Variants in DNAJB6 observed in about 807,000 individuals in gnomAD.
The protein encoded by DNAJB6 is dnaJ homolog subfamily B member 6.
A neutral mutation model predicts 42.7 loss-of-function variants in DNAJB6; 16 were observed. That is an observed-to-expected ratio of 0.37 (90% confidence interval 0.25 to 0.57). DNAJB6 has a LOEUF of 0.57. Ranked by LOEUF, DNAJB6 falls within the 20% of genes least tolerant of loss-of-function variation. DNAJB6 has a pLI of 0.74. For synonymous variants in DNAJB6, 170 were observed against 163.5 expected (o/e 1.04, Z -0.30); for missense variants, 347 against 416.8 (o/e 0.83, Z 1.46).
intron 8 of DNAJB6, among the ~76,000 whole-genome samples, chr7:157,403,745 G>A (rs139326347): frequency 3.2e-4 from 48 of 152,222 alleles, no homozygotes; most frequent in Non-Finnish European, 4.0e-4. Context: ...ATTCATTGTC[G>A]TTTCACAATA....
chr7:157,402,778 C>T (rs1795582689), intron 8 of DNAJB6, among the ~76,000 whole-genome samples: 1 of 152,206 alleles, frequency 6.6e-6, no homozygotes, highest in African/African-American at 2.4e-5. Flanking sequence ...CACTCTTTGG[C>T]CCCTGCACTT....
chr7:157,383,239 G>C (rs13229507), intron 6 of DNAJB6, among the ~76,000 whole-genome samples: 1 of 151,884 alleles, frequency 6.6e-6, no homozygotes, highest in Admixed American at 6.6e-5. Flanking sequence ...AACTGACCTC[G>C]GGTGGATCCA....
intron 1 of DNAJB6, chr7:157,340,114 AATT>A (rs1250941152): frequency 6.6e-6 from 1 of 152,216 alleles, no homozygotes; most frequent in African/African-American, 2.4e-5. Flanking sequence ...AAGAGAATGT[AATT>A]AGCCTTTGTA....
chr7:157,392,634 G>A (rs1028352100), intron 8 of DNAJB6, among the ~76,000 whole-genome samples: 5 of 152,140 alleles, frequency 3.3e-5, no homozygotes, highest in East Asian at 1.9e-4. Flanking sequence ...GTGTGCATCC[G>A]GAAGCGCAGC....
chr7:157,397,953 A>G (rs946039234), intron 8 of DNAJB6, among the ~76,000 whole-genome samples: 1 of 152,262 alleles, frequency 6.6e-6, no homozygotes, highest in African/African-American at 2.4e-5. Context: ...CAGAGTTTGC[A>G]GTGAGCTGAG....
intron 8 of DNAJB6, among the ~76,000 whole-genome samples, chr7:157,391,687 T>C (rs1801350722): frequency 6.6e-6 from 1 of 152,252 alleles, no homozygotes. Context: ...GGCAAAATAT[T>C]GATGTCCTTT....
intron 4 of DNAJB6, among the ~76,000 whole-genome samples, 161 bp from the exon 5 acceptor site, chr7:157,367,210 CTG>C (rs1208643825): frequency 2.6e-5 from 4 of 152,234 alleles, no homozygotes; most frequent in Non-Finnish European, 5.9e-5. Context: ...CACTCACTCT[CTG>C]TCAGTACAGG....
At chr7:157,399,414 A>G (rs1801741832) in intron 8 of DNAJB6, among the ~76,000 whole-genome samples, 1 of 152,196 alleles carries the variant, frequency 6.6e-6, no homozygotes, top group African/African-American at 2.4e-5. Flanking sequence ...CGTAGACCGC[A>G]GGGGTTGCGT....
intron 5 of DNAJB6, among the ~76,000 whole-genome samples, chr7:157,370,073 GGGCCCCTTCTTAACATTATTATTAAACA>G (rs1462522844): frequency 6.8e-5 from 9 of 132,184 alleles, no homozygotes; most frequent in African/African-American, 1.3e-4. Flanking sequence ...ATTATTAAAC[GGGCCCCTTCTTAACATTATTATTAAACA>G]GGCCCCTTCT....
intron 8 of DNAJB6, among the ~76,000 whole-genome samples, chr7:157,395,649 A>G (rs1199948292): frequency 6.6e-6 from 1 of 152,052 alleles, no homozygotes; most frequent in African/African-American, 2.4e-5. Context: ...GCGAGTCTGC[A>G]AAAGTTACAA....
At position 157,354,640 on chromosome 7, in the gene DNAJB6, A is replaced by T. The variant is rs1037266161; in HGVS notation, c.-26-3907A>T. Reference sequence around the variant, plus strand: ...AGGTGTGTGCCACCGTGCCCAGCCAATATCTGCACATTTATAAGCTGACAT... The same window carrying T: ...AGGTGTGTGCCACCGTGCCCAGCCATTATCTGCACATTTATAAGCTGACAT... On this transcript the variant is annotated intron_variant, in intron 1 of 9. Coordinates refer to ENST00000262177, the MANE Select transcript of DNAJB6 (RefSeq NM_058246.4). Among the ~76,000 whole-genome samples the T allele has an allele frequency of 2.6e-5, 4 of 152,188 alleles. No homozygotes were observed. In the East Asian group the frequency reaches 7.7e-4, roughly 29 times the overall value.
At chr7:157,401,539 A>G (rs916071870) in intron 8 of DNAJB6, among the ~76,000 whole-genome samples, 1 of 152,220 alleles carries the variant, frequency 6.6e-6, no homozygotes, top group Non-Finnish European at 1.5e-5. Flanking sequence ...TAAGGAATGG[A>G]AAGAGCACAG....
chr7:157,344,649 C>G (rs1300709373), intron 1 of DNAJB6, among the ~76,000 whole-genome samples: 1 of 151,966 alleles, frequency 6.6e-6, no homozygotes, highest in Non-Finnish European at 1.5e-5. Flanking sequence ...GGGTCTTGCT[C>G]CGTTACGTAG....
chr7:157,352,711 A>G (rs889815430), intron 1 of DNAJB6, among the ~76,000 whole-genome samples: 3 of 152,142 alleles, frequency 2.0e-5, no homozygotes, highest in African/African-American at 7.2e-5. Flanking sequence ...ACAAGCAGGT[A>G]GCACTTAGGA....
intron 1 of DNAJB6, among the ~76,000 whole-genome samples, chr7:157,343,412 T>G (rs1186478904): frequency 6.6e-6 from 1 of 152,060 alleles, no homozygotes; most frequent in East Asian, 1.9e-4. Flanking sequence ...GCCTCGGCCC[T>G]CCAAAGTGCT....
chr7:157,346,607 A>G (rs1375771961), intron 1 of DNAJB6, among the ~76,000 whole-genome samples: 1 of 152,212 alleles, frequency 6.6e-6, no homozygotes, highest in Non-Finnish European at 1.5e-5. Flanking sequence ...ATACTTCTAT[A>G]GGGAAATACT....
chr7:157,357,777 A>G (rs1016568090), intron 1 of DNAJB6, among the ~76,000 whole-genome samples: 2 of 152,178 alleles, frequency 1.3e-5, no homozygotes, highest in Non-Finnish European at 2.9e-5. Flanking sequence ...AATGGGTTTC[A>G]TTGTACATTT....
At chr7:157,408,420 G>C (rs1030900999) in intron 8 of DNAJB6, among the ~76,000 whole-genome samples, 1 of 152,188 alleles carries the variant, frequency 6.6e-6, no homozygotes. Context: ...CCGTGCTGTG[G>C]CTTTAGGATT....
intron 6 of DNAJB6, 97 bp from the exon 7 acceptor site, chr7:157,384,770 A>G (rs1439170488): frequency 9.6e-6 from 12 of 1,248,610 alleles, no homozygotes; most frequent in Non-Finnish European, 1.3e-5. Context: ...TCTATGCCTT[A>G]ACATTAAATA....
Sources: gnomAD v4.1 joint callset for allele counts (sites outside exome capture counted in the v4.1 genomes callset) on GRCh38, gnomAD v4.1.1 for gene constraint, MANE v1.5 for transcripts, NCBI Gene and HGNC (gene_info 2026-07-23, HGNC 2026-07-21) for gene names.